The following DNAH6 variants were observed in gnomAD, a reference collection of about 807,000 sequenced individuals.
The protein encoded by DNAH6 is axonemal beta dynein heavy chain 6.
A neutral mutation model predicts 491.4 loss-of-function variants in DNAH6; 340 were observed. The observed-to-expected ratio is 0.69, with a 90% CI of 0.63 to 0.76. The LOEUF is 0.76. Ranked by LOEUF, DNAH6 falls within the 30% of genes least tolerant of loss-of-function variation. The pLI is 0.00. For missense variants in DNAH6, 4,443 were observed against 4,972.2 expected, an observed-to-expected ratio of 0.89 and a Z score of 3.20; for synonymous variants, 1,603 against 1,686.1, an observed-to-expected ratio of 0.95 and a Z score of 1.21.
At chr2:84,634,764 G>A (rs1688719430) in intron 30 of DNAH6, 123 bp downstream of exon 30, 1 of 1,243,582 alleles carries the variant, frequency 8.0e-7, no homozygotes, top group African/African-American at 1.6e-5. Flanking sequence ...GGAGCCCAAG[G>A]GGACCTTGGC....
the DNAH6 span, among the ~76,000 whole-genome samples, chr2:84,511,001 A>T: frequency 6.6e-6 from 1 of 152,086 alleles, no homozygotes; most frequent in Non-Finnish European, 1.5e-5. Flanking sequence ...GGTGCCTCCC[A>T]GTTGGGCTAC....
chr2:84,670,480 G>C lies in DNAH6; in HGVS notation c.6454+5G>C. On this transcript the variant is annotated splice_donor_5th_base_variant and intron_variant, in intron 39 of 76. Coordinates refer to ENST00000389394, the MANE Select transcript of DNAH6 (RefSeq NM_001370.2). The stretch of plus-strand genomic sequence containing the variant: ...GAAAAAGAAAAAATATTCTAGGTAA[G>C]AATCATTATTTTAGTTTGTCCCACA... 6.7e-7 allele frequency: 1 copy of C among 1,502,450 alleles called. No homozygotes were observed. Among genetic ancestry groups the C allele is most frequent in the South Asian group, 1.3e-5 (1 of 78,076 alleles). 93.1% of individuals were successfully genotyped at this position (1,502,450 alleles called of 1,614,324 possible). A position where few individuals can be genotyped will look rare whatever the true frequency, so the allele number is the denominator to read the frequency against.
At chr2:84,738,276 A>C (rs531880211) in intron 62 of DNAH6, among the ~76,000 whole-genome samples, 1 of 152,218 alleles carries the variant, frequency 6.6e-6, no homozygotes, top group African/African-American at 2.4e-5. Flanking sequence ...GCATGTGGTC[A>C]ATTTTAGAGT....
chr2:84,788,400 A>G (rs1305326040), intron 68 of DNAH6, among the ~76,000 whole-genome samples: 4 of 152,228 alleles, frequency 2.6e-5, no homozygotes, highest in African/African-American at 9.6e-5. Context: ...TGTAGATTTA[A>G]TGCAATCCCT....
chr2:84,714,951 A>G lies in DNAH6; in HGVS notation c.9544-609A>G, dbSNP rs531389544. On this transcript the variant is annotated intron_variant, in intron 57 of 76. Coordinates refer to ENST00000389394, the MANE Select transcript of DNAH6 (RefSeq NM_001370.2). ...TCATTCACACACTCTTGTTATACTTACTGGTTTTTGCTATTGACTTATCGA... is the reference window on the plus strand; with the variant it reads ...TCATTCACACACTCTTGTTATACTTGCTGGTTTTTGCTATTGACTTATCGA... Among the ~76,000 whole-genome samples the G allele has an allele frequency of 2.0e-5, 3 of 151,770 alleles. No individual in the cohort carries two copies. In the South Asian group the frequency reaches 6.3e-4, roughly 32 times the overall value.
At chr2:84,558,318 G>A (rs1220838467) in intron 11 of DNAH6, among the ~76,000 whole-genome samples, 1 of 151,776 alleles carries the variant, frequency 6.6e-6, no homozygotes, top group Admixed American at 6.6e-5. Flanking sequence ...GTCCCAACTT[G>A]GGAGGCTGAG....
At chr2:84,664,616 C>G (rs191522762) in intron 37 of DNAH6, among the ~76,000 whole-genome samples, 8 of 152,224 alleles carry the variant, frequency 5.3e-5, no homozygotes, top group African/African-American at 1.7e-4. Flanking sequence ...TAGAGACCTA[C>G]AAAGAGACTT....
In DNAH6 at chr2:84,703,557, G is replaced by C. The variant is rs368104186; in HGVS notation, c.8224G>C (p.Asp2742His). ...EKLAVDQESA[D>H]QVRNTVQEDE... is the part of the protein sequence containing the mutation. ...ATTGGCAGTGGATCAAGAAAGTGCCGATCAGGTATGCTGCAGTTCCTGAGA... is the reference window on the plus strand; with the variant it reads ...ATTGGCAGTGGATCAAGAAAGTGCCCATCAGGTATGCTGCAGTTCCTGAGA... The change falls in exon 50 of 77, where the codon GAT (aspartate) becomes CAT (histidine). Residue 2742 changes from aspartate to histidine, a missense_variant. Coordinates refer to ENST00000389394, the MANE Select transcript of DNAH6 (RefSeq NM_001370.2). The C allele has an allele frequency of 1.9e-6, 3 of 1,549,944 alleles. No individual in the cohort carries two copies. In the African/African-American group the frequency reaches 4.1e-5, roughly 21 times the overall value.
chr2:84,673,788 A>G (rs1286256588), intron 40 of DNAH6, among the ~76,000 whole-genome samples: 1 of 152,238 alleles, frequency 6.6e-6, no homozygotes, highest in Non-Finnish European at 1.5e-5. Context: ...GTCTAGCTGC[A>G]TGGGCAGCTG....
chr2:84,575,637 A>G (rs778824078), intron 12 of DNAH6, among the ~76,000 whole-genome samples: 28 of 152,130 alleles, frequency 1.8e-4, no homozygotes, highest in Non-Finnish European at 3.1e-4. Context: ...GTAATCCCAG[A>G]ACTTTGGGAG....
intron 62 of DNAH6, among the ~76,000 whole-genome samples, chr2:84,734,951 A>T (rs928519806): frequency 6.6e-6 from 1 of 151,958 alleles, no homozygotes; most frequent in African/African-American, 2.4e-5. Flanking sequence ...TGTTACATGG[A>T]TATATTGCAT....
chr2:84,521,027 T>G (rs565069291), intron 2 of DNAH6, among the ~76,000 whole-genome samples: 16 of 152,132 alleles, frequency 1.1e-4, no homozygotes, highest in South Asian at 2.1e-4. Flanking sequence ...ATTTTAATTT[T>G]TTTATTATTT....
chr2:84,754,770 C>T (rs1056149868), intron 63 of DNAH6, among the ~76,000 whole-genome samples: 1 of 152,182 alleles, frequency 6.6e-6, no homozygotes, highest in Non-Finnish European at 1.5e-5. Flanking sequence ...ATTCCAGGTC[C>T]CTTGAACTTT....
chr2:84,806,940 AAT>A (rs1271403541), intron 71 of DNAH6, among the ~76,000 whole-genome samples: 2 of 152,146 alleles, frequency 1.3e-5, no homozygotes, highest in African/African-American at 4.8e-5. Context: ...AAGATCAATA[AAT>A]ATAAGATAGA....
chr2:84,493,819 G>A, the DNAH6 span, among the ~76,000 whole-genome samples: 1 of 152,222 alleles, frequency 6.6e-6, no homozygotes, highest in Non-Finnish European at 1.5e-5. Flanking sequence ...GTAAAGGGGT[G>A]AGATGCTGAT....
chr2:84,652,139 A>G (rs1163279489), intron 33 of DNAH6, among the ~76,000 whole-genome samples: 1 of 152,094 alleles, frequency 6.6e-6, no homozygotes, highest in Non-Finnish European at 1.5e-5. Flanking sequence ...ATATTTCTAC[A>G]GGGGAGATTC....
At chr2:84,706,378 G>A (rs1456846058) in intron 52 of DNAH6, among the ~76,000 whole-genome samples, 2 of 152,182 alleles carry the variant, frequency 1.3e-5, no homozygotes, top group African/African-American at 2.4e-5. Context: ...TGACTCTGGA[G>A]TTCAAATTTC....
intron 60 of DNAH6, among the ~76,000 whole-genome samples, chr2:84,725,867 A>G (rs573032410): frequency 1.2e-4 from 19 of 152,238 alleles, no homozygotes; most frequent in East Asian, 1.9e-4. Context: ...TTTAACCTCT[A>G]TGGTTCTTGT....
chr2:84,683,613 G>A (rs918600763), intron 42 of DNAH6, among the ~76,000 whole-genome samples: 20 of 151,678 alleles, frequency 1.3e-4, no homozygotes, highest in Admixed American at 3.3e-4. Flanking sequence ...AGTAAAGACC[G>A]GGTTTCGCCA....
Sources: gnomAD v4.1 joint callset for allele counts (sites outside exome capture counted in the v4.1 genomes callset) on GRCh38, gnomAD v4.1.1 for gene constraint, MANE v1.5 for transcripts, NCBI Gene and HGNC (gene_info 2026-07-23, HGNC 2026-07-21) for gene names.